NKAIN3: variants seen among roughly 807,000 people sequenced by gnomAD.
NKAIN3 encodes sodium/potassium-transporting ATPase subunit beta-1-interacting protein 3.
Under a neutral mutation model 30.2 loss-of-function variants are expected in NKAIN3, and 25 were observed. The ratio of observed to expected loss-of-function variants is 0.83; its 90% confidence interval spans 0.60 to 1.16. The LOEUF (loss-of-function observed/expected upper bound fraction) is 1.16, where lower values mean the gene tolerates loss of function less well. Among genes scored for constraint, NKAIN3 ranks in the 50% most tolerant of loss-of-function variants. The pLI is 0.00. For missense variants in NKAIN3, 225 were observed against 254.1 expected, an observed-to-expected ratio of 0.89 and a Z score of 0.78; for synonymous variants, 91 against 89.6, an observed-to-expected ratio of 1.02 and a Z score of -0.09.
Position 62,863,346 on chromosome 8 carries a change from G to A in NKAIN3, c.472-55107G>A, listed in dbSNP as rs138240668. 58 of 1,547,316 alleles carry A rather than the reference G, an allele frequency of 3.7e-5. No homozygotes were observed. In the East Asian group the frequency reaches 1.3e-3, roughly 35 times the overall value. On this transcript the variant is annotated intron_variant, in intron 4 of 6. Transcript: ENST00000623646. ...GAATACCTGCTTTCTGCCCCTCAGT[G>A]GTCTCAGCTGCCGTTCTTCTCACAT...
At chr8:62,945,421 T>G (rs530896567) in intron 5 of NKAIN3, among the ~76,000 whole-genome samples, 4 of 152,198 alleles carry the variant, frequency 2.6e-5, no homozygotes, top group African/African-American at 9.6e-5. Context: ...GCTATTACTT[T>G]ATTAACATCA....
intron 3 of NKAIN3, among the ~76,000 whole-genome samples, chr8:62,735,657 C>T (rs534623805): frequency 6.6e-6 from 1 of 152,116 alleles, no homozygotes; most frequent in East Asian, 1.9e-4. Flanking sequence ...TCAGCGATTT[C>T]TTCTTGGATC....
downstream of NKAIN3, among the ~76,000 whole-genome samples, chr8:62,985,966 T>C (rs1433891757): frequency 6.6e-6 from 1 of 152,232 alleles, no homozygotes; most frequent in Non-Finnish European, 1.5e-5. Context: ...AAATATAGTC[T>C]AGTCTCAGAG....
intron 4 of NKAIN3, among the ~76,000 whole-genome samples, chr8:62,886,930 T>TC (rs34774531): frequency 0.3 from 46,190 of 151,992 alleles, 7,726 homozygotes; most frequent in East Asian, 0.64. Context: ...GGTTTTCTGT[T>TC]CTGTGTTAGT....
At position 62,567,421 on chromosome 8, in the gene NKAIN3, C is replaced by G. The variant is rs75926952; in HGVS notation, c.55-12118C>G. On this transcript the variant is annotated intron_variant, in intron 1 of 6. Transcript: ENST00000623646. ...GCAGAATATTGGTCCCAAAGATGTC[C>G]ATGTCCGAATCACTGGAATGTGTTG... Among the ~76,000 whole-genome samples, 960 of 152,256 alleles carry G rather than the reference C, an allele frequency of 6.3e-3. 7 individuals are homozygous for G. The highest frequency in any genetic ancestry group is 0.022 in the African/African-American group (903 of 41,552).
chr8:62,383,381 C>A, intron 1 of NKAIN3: 1 of 369,920 alleles, frequency 2.7e-6, no homozygotes, highest in South Asian at 2.1e-5. Flanking sequence ...TATTTGCAAA[C>A]AAGTGGAGTA....
At chr8:62,345,502 T>TATACAC (rs1563942782) in intron 1 of NKAIN3, among the ~76,000 whole-genome samples, 1 of 20,688 alleles carries the variant, frequency 4.8e-5, no homozygotes, top group East Asian at 3.3e-3. Flanking sequence ...CACACATATA[T>TATACAC]ACACATATAT....
At chr8:62,638,175 G>A (rs1375594369) in intron 3 of NKAIN3, among the ~76,000 whole-genome samples, 1 of 152,136 alleles carries the variant, frequency 6.6e-6, no homozygotes, top group Non-Finnish European at 1.5e-5. Context: ...TGCTAATAAG[G>A]TTTGCAAGCT....
intron 3 of NKAIN3, among the ~76,000 whole-genome samples, chr8:62,671,071 T>C (rs1285054595): frequency 6.6e-6 from 1 of 152,176 alleles, no homozygotes; most frequent in African/African-American, 2.4e-5. Context: ...TTCCTATTGT[T>C]TTATTTAAGA....
intron 1 of NKAIN3, among the ~76,000 whole-genome samples, chr8:62,458,561 A>G (rs1004803000): frequency 4.4e-4 from 67 of 152,330 alleles, no homozygotes; most frequent in African/African-American, 1.6e-3. Flanking sequence ...CCTACAAGTC[A>G]TCTTGGTTAG....
At chr8:62,790,470 A>C (rs978489111) in intron 4 of NKAIN3, among the ~76,000 whole-genome samples, 11 of 151,952 alleles carry the variant, frequency 7.2e-5, no homozygotes, top group Non-Finnish European at 1.5e-4. Flanking sequence ...AAAACTGCAC[A>C]TCAATACAAA....
intron 4 of NKAIN3, among the ~76,000 whole-genome samples, chr8:62,826,713 T>C (rs1422351474): frequency 2.0e-5 from 3 of 152,136 alleles, no homozygotes; most frequent in Non-Finnish European, 4.4e-5. Context: ...GACAATTACA[T>C]GTGAAGGGTA....
At chr8:62,599,122 G>A (rs1211609571) in intron 3 of NKAIN3, among the ~76,000 whole-genome samples, 4 of 152,074 alleles carry the variant, frequency 2.6e-5, no homozygotes, top group African/African-American at 9.7e-5. Context: ...ATTCTCATGG[G>A]CATAAACAAT....
At chr8:62,501,815 T>C (rs1807463068) in intron 1 of NKAIN3, among the ~76,000 whole-genome samples, 2 of 152,322 alleles carry the variant, frequency 1.3e-5, no homozygotes, top group South Asian at 4.1e-4. Context: ...TGCTACTATA[T>C]GCATGCAAAA....
chr8:62,946,478 A>G (rs1271360800), intron 5 of NKAIN3, among the ~76,000 whole-genome samples: 1 of 152,194 alleles, frequency 6.6e-6, no homozygotes, highest in African/African-American at 2.4e-5. Flanking sequence ...AGCAGGGTTT[A>G]GTTGCCAGCT....
intron 4 of NKAIN3, chr8:62,855,514 A>G (rs766700831): frequency 7.0e-7 from 1 of 1,422,702 alleles, no homozygotes. Context: ...CAGGATTGTA[A>G]TCTGGTGGGT....
At chr8:62,865,603 G>C (rs1820392014) in intron 4 of NKAIN3, among the ~76,000 whole-genome samples, 2 of 152,146 alleles carry the variant, frequency 1.3e-5, no homozygotes, top group Admixed American at 1.3e-4. Flanking sequence ...TTTTTTTAAT[G>C]AGAAATACTT....
At chr8:62,677,494 G>A (rs969965649) in intron 3 of NKAIN3, among the ~76,000 whole-genome samples, 19 of 152,240 alleles carry the variant, frequency 1.2e-4, no homozygotes, top group Non-Finnish European at 2.5e-4. Context: ...AGTAGAGATA[G>A]CAAGAGTGCT....
chr8:62,262,219 G>A (rs1229512056), intron 1 of NKAIN3, among the ~76,000 whole-genome samples: 1 of 152,028 alleles, frequency 6.6e-6, no homozygotes, highest in Admixed American at 6.6e-5. Context: ...CATTTCTGTT[G>A]GTAGAAGGTA....
Sources: gnomAD v4.1 joint callset for allele counts (sites outside exome capture counted in the v4.1 genomes callset) on GRCh38, gnomAD v4.1.1 for gene constraint, MANE v1.5 for transcripts, NCBI Gene and HGNC (gene_info 2026-07-23, HGNC 2026-07-21) for gene names.